The following MEAK7 variants were observed in gnomAD, a reference collection of about 807,000 sequenced individuals.
MEAK7 encodes the protein MTOR-associated protein MEAK7.
A neutral mutation model predicts 40.5 loss-of-function variants in MEAK7; 68 were observed. The ratio of observed to expected loss-of-function variants is 1.68; its 90% CI spans 1.38 to 2.06. The LOEUF (loss-of-function observed/expected upper bound fraction) is 2.06, where lower values mean the gene tolerates loss of function less well. Ranked by LOEUF, MEAK7 falls within the 30% of genes most tolerant of loss-of-function variation. The pLI is 0.00. For missense variants in MEAK7, 918 were observed against 580.5 expected (o/e 1.58, Z -5.98); for synonymous variants, 338 against 231.9 (o/e 1.46, Z -4.16).
At chr16:84,481,404 A>T (rs1372440146) in intron 6 of MEAK7, among the ~76,000 whole-genome samples, 1 of 152,206 alleles carries the variant, frequency 6.6e-6, no homozygotes, top group Non-Finnish European at 1.5e-5. Context: ...TCTCAGGGCC[A>T]ATGACGAGCG....
chr16:84,495,974 G>C, intron 2 of MEAK7, 61 bp from the exon 3 acceptor site: 1 of 1,570,316 alleles, frequency 6.4e-7, no homozygotes, highest in Non-Finnish European at 8.7e-7. Context: ...TGGTTACTAG[G>C]AGTTATTATT....
intron 3 of MEAK7, chr16:84,494,771 G>C: frequency 2.2e-6 from 1 of 454,868 alleles, no homozygotes; most frequent in Non-Finnish European, 4.4e-6. Context: ...GGACATGACA[G>C]ATCAGACAAA....
intron 1 of MEAK7, 79 bp downstream of exon 1, chr16:84,504,522 C>T (rs999848662): frequency 1.1e-6 from 1 of 899,532 alleles, no homozygotes; most frequent in Non-Finnish European, 1.3e-6. Context: ...TACTCTGGAC[C>T]CGTCTGCTCC....
At chr16:84,484,152 G>C (rs983328592) in intron 5 of MEAK7, among the ~76,000 whole-genome samples, 3 of 152,226 alleles carry the variant, frequency 2.0e-5, no homozygotes, top group Non-Finnish European at 4.4e-5. Flanking sequence ...TCAGGCCTCA[G>C]CTGCGATAGG....
chr16:84,503,217 T>C (rs571218147), intron 1 of MEAK7, among the ~76,000 whole-genome samples: 46 of 149,452 alleles, frequency 3.1e-4, no homozygotes, highest in African/African-American at 1.1e-3. Flanking sequence ...AAAAAAAAAA[T>C]CTCATGTTTT....
intron 7 of MEAK7, 78 bp from the exon 8 acceptor site, chr16:84,480,104 CTTCTT>C: frequency 2.5e-6 from 3 of 1,212,458 alleles, no homozygotes; most frequent in African/African-American, 1.5e-5. Flanking sequence ...GTTTTCCAGC[CTTCTT>C]GGGTGGAATC....
intron 5 of MEAK7, 32 bp from the exon 6 acceptor site, chr16:84,482,742 G>A: frequency 1.2e-6 from 2 of 1,612,484 alleles, no homozygotes; most frequent in African/African-American, 2.7e-5. Flanking sequence ...AACAAACAGG[G>A]TCGGTGTCTG....
At chr16:84,482,241 C>T (rs541897757) in intron 6 of MEAK7, among the ~76,000 whole-genome samples, 17 of 152,334 alleles carry the variant, frequency 1.1e-4, no homozygotes, top group East Asian at 1.9e-4. Flanking sequence ...AGCACTCCCA[C>T]GTATGAGGCA....
chr16:84,495,652 G>C, intron 3 of MEAK7, 31 bp downstream of exon 3: 1 of 1,608,498 alleles, frequency 6.2e-7, no homozygotes, highest in Non-Finnish European at 8.5e-7. Flanking sequence ...GACTGCTGAG[G>C]AGGCTGCAAA....
At chr16:84,494,613 A>T (rs1913892060) in intron 3 of MEAK7, 2 of 334,068 alleles carry the variant, frequency 6.0e-6, no homozygotes, top group Admixed American at 4.3e-5. Flanking sequence ...TATGGCCTAT[A>T]TGAGTTTTCC....
At chr16:84,481,384 G>A (rs550269042) in intron 6 of MEAK7, among the ~76,000 whole-genome samples, 10 of 152,330 alleles carry the variant, frequency 6.6e-5, no homozygotes, top group South Asian at 6.2e-4. Context: ...GTTGACACGC[G>A]GAGCCGCTCT....
chr16:84,501,950 G>C (rs866976418), intron 1 of MEAK7, among the ~76,000 whole-genome samples: 1 of 152,148 alleles, frequency 6.6e-6, no homozygotes, highest in African/African-American at 2.4e-5. Flanking sequence ...TTCGAGACTA[G>C]CTGGACCAAC....
At chr16:84,484,886 C>G (rs1912896849) in intron 5 of MEAK7, among the ~76,000 whole-genome samples, 1 of 152,164 alleles carries the variant, frequency 6.6e-6, no homozygotes, top group African/African-American at 2.4e-5. Flanking sequence ...AACTTGGCCA[C>G]TGCATTTTTC....
Position 84,479,004 on chromosome 16 carries a change from A to G in MEAK7, c.*909T>C, listed in dbSNP as rs2150619386. On this transcript the variant is annotated 3_prime_UTR_variant, in exon 8 of 8. Transcript: ENST00000343629. ...ACCTTGAAGTTAGCAAGAGAACCACAACTTTGCTTCTCTGTAGACAGATCT... is the reference window on the plus strand; with the variant it reads ...ACCTTGAAGTTAGCAAGAGAACCACGACTTTGCTTCTCTGTAGACAGATCT... The G allele has an allele frequency of 1.3e-5, 2 of 152,322 alleles. No individual in the cohort carries two copies. Among genetic ancestry groups the G allele is most frequent in the Admixed American group, 1.3e-4 (2 of 15,296 alleles). The allele number at this position is 152,322 out of a possible 1,614,324, so 9.4% of individuals were successfully genotyped here. A position where few individuals can be genotyped will look rare whatever the true frequency, so the allele number is the denominator to read the frequency against.
intron 1 of MEAK7, among the ~76,000 whole-genome samples, chr16:84,502,328 G>A (rs1228296493): frequency 4.6e-5 from 6 of 131,686 alleles, no homozygotes; most frequent in Non-Finnish European, 8.4e-5. Flanking sequence ...GCAGAGGCCA[G>A]GGATACTGCT....
chr16:84,497,619 ATCAT>A (rs1431583817), intron 2 of MEAK7: 5 of 1,353,344 alleles, frequency 3.7e-6, no homozygotes, highest in South Asian at 1.2e-5. Flanking sequence ...TGTCGTGTGA[ATCAT>A]TCATTATCTA....
chr16:84,503,537 T>G (rs1007509402), intron 1 of MEAK7, among the ~76,000 whole-genome samples: 3 of 152,216 alleles, frequency 2.0e-5, no homozygotes, highest in African/African-American at 7.2e-5. Context: ...TGCAATGGTC[T>G]TCAATAATTA....
chr16:84,504,396 C>T (rs1243804781), intron 1 of MEAK7, among the ~76,000 whole-genome samples: 3 of 152,136 alleles, frequency 2.0e-5, no homozygotes, highest in Non-Finnish European at 4.4e-5. Flanking sequence ...GGAGACCCTC[C>T]CTCCATCCCG....
chr16:84,485,559 G>A (rs932529970), intron 5 of MEAK7, among the ~76,000 whole-genome samples: 1 of 152,226 alleles, frequency 6.6e-6, no homozygotes, highest in Non-Finnish European at 1.5e-5. Context: ...CAAACCCTGG[G>A]GATGGTGGCC....
Sources: allele counts gnomAD v4.1 joint callset (sites outside exome capture counted in the v4.1 genomes callset), GRCh38; gene constraint gnomAD v4.1.1; transcripts MANE v1.5; gene names NCBI Gene and HGNC (gene_info 2026-07-23, HGNC 2026-07-21).